C2orf76: variants seen among roughly 807,000 people sequenced by gnomAD.
C2orf76 encodes chromosome 2 open reading frame 76.
Under a neutral mutation model 16.9 loss-of-function variants are expected in C2orf76, and 23 were observed. The ratio of observed to expected loss-of-function variants is 1.36; its 90% CI spans 0.98 to 1.93. C2orf76 has a LOEUF of 1.93. Among genes scored for constraint, C2orf76 ranks in the 30% most tolerant of loss-of-function variants. C2orf76 has a pLI of 0.00. For missense variants in C2orf76, 152 were observed against 152.6 expected, an observed-to-expected ratio of 1.00 and a Z score of 0.02; for synonymous variants, 48 against 52.3, an observed-to-expected ratio of 0.92 and a Z score of 0.35.
chr2:119,340,152 T>C (rs1679980473), intron 1 of C2orf76, 181 bp from the exon 2 acceptor site: 2 of 560,164 alleles, frequency 3.6e-6, no homozygotes, highest in Non-Finnish European at 6.2e-6. Context: ...CCAGTGATTA[T>C]ACCCACCTAT....
chr2:119,332,993 A>C (rs1016407897), intron 2 of C2orf76, among the ~76,000 whole-genome samples: 1 of 152,218 alleles, frequency 6.6e-6, no homozygotes, highest in Non-Finnish European at 1.5e-5. Context: ...TTGGCCTCCC[A>C]AAGTGCTGGG....
At chr2:119,303,806 A>G (rs774466121) in intron 5 of C2orf76, among the ~76,000 whole-genome samples, 1 of 152,232 alleles carries the variant, frequency 6.6e-6, no homozygotes, top group Non-Finnish European at 1.5e-5. Context: ...TCCTCATTCC[A>G]GTCCTCTACT....
intron 1 of C2orf76, among the ~76,000 whole-genome samples, chr2:119,354,702 G>GAA (rs1680514836): frequency 6.6e-6 from 1 of 152,114 alleles, no homozygotes; most frequent in Admixed American, 6.5e-5. Flanking sequence ...GAACTTTTGA[G>GAA]AAAGATATTT....
At chr2:119,290,817 G>C in the C2orf76 span, among the ~76,000 whole-genome samples, 4 of 152,212 alleles carry the variant, frequency 2.6e-5, no homozygotes, top group African/African-American at 9.6e-5. Flanking sequence ...GCGACAGAGT[G>C]AGACTCCGCC....
chr2:119,313,026 CAAA>C (rs536874855), intron 4 of C2orf76, among the ~76,000 whole-genome samples: 2 of 93,588 alleles, frequency 2.1e-5, no homozygotes, highest in Admixed American at 1.2e-4. Context: ...AGACTCCATT[CAAA>C]AAAAAAAAAA....
At chr2:119,304,317 C>T (rs1176465663) in intron 5 of C2orf76, among the ~76,000 whole-genome samples, 2 of 152,226 alleles carry the variant, frequency 1.3e-5, no homozygotes, top group Admixed American at 1.3e-4. Context: ...CAGCACTTCG[C>T]TCAGTCCACG....
At chr2:119,333,495 C>A (rs1465243358) in intron 2 of C2orf76, among the ~76,000 whole-genome samples, 1 of 152,196 alleles carries the variant, frequency 6.6e-6, no homozygotes, top group African/African-American at 2.4e-5. Flanking sequence ...CCAATGAAGG[C>A]ATAAACTGAC....
At chr2:119,364,868 CA>C (rs1315196094) in intron 1 of C2orf76, among the ~76,000 whole-genome samples, 3 of 151,778 alleles carry the variant, frequency 2.0e-5, no homozygotes, top group Non-Finnish European at 2.9e-5. Flanking sequence ...CCCTTGAGCC[CA>C]GGAGATCAAG....
the C2orf76 span, among the ~76,000 whole-genome samples, chr2:119,286,760 C>T: frequency 3.3e-5 from 5 of 151,956 alleles, no homozygotes; most frequent in Admixed American, 6.6e-5. Context: ...GGACACCAGA[C>T]GGGAGAGTGT....
intron 1 of C2orf76, among the ~76,000 whole-genome samples, chr2:119,346,794 C>T (rs887034908): frequency 6.6e-6 from 1 of 152,142 alleles, no homozygotes; most frequent in African/African-American, 2.4e-5. Context: ...CAGGCATACA[C>T]ATATATACAC....
intron 4 of C2orf76, among the ~76,000 whole-genome samples, chr2:119,314,825 A>G (rs569660784): frequency 6.6e-6 from 1 of 152,348 alleles, no homozygotes; most frequent in South Asian, 2.1e-4. Flanking sequence ...TATCCAAAAT[A>G]TCCTAAGCAT....
At chr2:119,348,243 A>C (rs1258464919) in intron 1 of C2orf76, among the ~76,000 whole-genome samples, 2 of 152,236 alleles carry the variant, frequency 1.3e-5, no homozygotes, top group East Asian at 3.8e-4. Context: ...ACAGTTAACA[A>C]AATTAGAATC....
At chr2:119,357,567 T>C (rs531524936) in intron 1 of C2orf76, among the ~76,000 whole-genome samples, 28 of 151,068 alleles carry the variant, frequency 1.9e-4, no homozygotes, top group African/African-American at 6.6e-4. Flanking sequence ...AACATCTCAA[T>C]TTGATAAAGA....
chr2:119,331,716 A>G (rs1023267368), intron 2 of C2orf76, among the ~76,000 whole-genome samples: 1 of 152,102 alleles, frequency 6.6e-6, no homozygotes, highest in East Asian at 1.9e-4. Flanking sequence ...TGTTTCCCCA[A>G]TCCCAGGGAA....
the C2orf76 span, among the ~76,000 whole-genome samples, chr2:119,296,033 G>T: frequency 7.2e-5 from 11 of 152,208 alleles, no homozygotes; most frequent in Non-Finnish European, 1.6e-4. Flanking sequence ...GCACATTTGG[G>T]GATGGGGAAA....
At chr2:119,346,058 A>T (rs1252739305) in intron 1 of C2orf76, among the ~76,000 whole-genome samples, 1 of 119,506 alleles carries the variant, frequency 8.4e-6, no homozygotes, top group Non-Finnish European at 1.8e-5. Flanking sequence ...CCATCTCAAA[A>T]AAAAAAAAAA....
the C2orf76 span, among the ~76,000 whole-genome samples, chr2:119,286,824 G>A: frequency 6.6e-6 from 1 of 152,158 alleles, no homozygotes; most frequent in Non-Finnish European, 1.5e-5. Flanking sequence ...ATGGCGGTGG[G>A]AAGGGAAGGG....
intron 1 of C2orf76, among the ~76,000 whole-genome samples, chr2:119,350,693 G>GGCCTTCA (rs894564981): frequency 1.3e-5 from 2 of 152,158 alleles, no homozygotes; most frequent in African/African-American, 2.4e-5. Context: ...AGATGAGATG[G>GGCCTTCA]GCCTTCAGCC....
At chr2:119,350,335 A>T (rs1680358777) in intron 1 of C2orf76, among the ~76,000 whole-genome samples, 1 of 152,158 alleles carries the variant, frequency 6.6e-6, no homozygotes, top group Admixed American at 6.5e-5. Flanking sequence ...GGATACGTGT[A>T]TATTTCAACA....
Sources: allele counts gnomAD v4.1 joint callset (sites outside exome capture counted in the v4.1 genomes callset), GRCh38; gene constraint gnomAD v4.1.1; transcripts MANE v1.5; gene names NCBI Gene and HGNC (gene_info 2026-07-23, HGNC 2026-07-21).